ZNF433: variants seen among roughly 807,000 people sequenced by gnomAD.
ZNF433 encodes zinc finger protein 433.
In ZNF433, 12 loss-of-function variants were observed where a neutral mutation model predicts 10.6. The observed-to-expected ratio is 1.13, with a 90% CI of 0.72 to 1.83. The LOEUF (loss-of-function observed/expected upper bound fraction) is 1.83, where lower values mean the gene tolerates loss of function less well. Among genes scored for constraint, ZNF433 ranks in the 40% most tolerant of loss-of-function variants. The pLI is 0.00. For missense variants in ZNF433, 737 were observed against 798.0 expected, an observed-to-expected ratio of 0.92 and a Z score of 0.92; for synonymous variants, 272 against 271.3, an observed-to-expected ratio of 1.00 and a Z score of -0.02.
intron 1 of ZNF433, chr19:12,034,955 GGCCTC>G (rs1724540411): frequency 2.2e-6 from 1 of 452,162 alleles, no homozygotes; most frequent in Admixed American, 2.4e-5. Flanking sequence ...CCTCAGCTGA[GGCCTC>G]TCCTATTCGG....
chr19:12,032,912 AAG>A (rs1358868356), intron 1 of ZNF433, among the ~76,000 whole-genome samples: 1 of 152,194 alleles, frequency 6.6e-6, no homozygotes, highest in Non-Finnish European at 1.5e-5. Context: ...TATTTACAAA[AAG>A]ACAAACCCAC....
chr19:12,034,565 C>T (rs538231989), intron 1 of ZNF433: 1 of 276,012 alleles, frequency 3.6e-6, no homozygotes, highest in South Asian at 3.7e-5. Flanking sequence ...AAATTACAAA[C>T]AAGACCTAAG....
In ZNF433 at chr19:12,016,589, A is replaced by G. The variant is rs1172248539; in HGVS notation, c.269T>C (p.Met90Thr). ...TACTCCAGTAGTTGTTTTCTTCAGCATGTCATCTGGAACCTGGGTCAAAAT... is the reference window on the plus strand; with the variant it reads ...TACTCCAGTAGTTGTTTTCTTCAGCGTGTCATCTGGAACCTGGGTCAAAAT... The part of the protein sequence containing the change: ...GEILTQVPDD[M>T]LKKTTTGVKS... Residue 90 changes from methionine (M) to threonine (T), a missense_variant, in exon 4 of 4, where the codon ATG (methionine) becomes ACG (threonine). By Grantham distance (81) the Met-to-Thr change is moderately conservative (BLOSUM62 -1). Transcript: ENST00000550507. 6.2e-7 allele frequency: 1 copy of G among 1,614,148 alleles called. No individual in the cohort carries two copies. The highest frequency in any genetic ancestry group is 1.7e-5 in the Admixed American group (1 of 60,018).
chr19:12,035,428 T>C, intron 1 of ZNF433, 109 bp downstream of exon 1: 1 of 1,470,234 alleles, frequency 6.8e-7, no homozygotes, highest in Non-Finnish European at 9.2e-7. Flanking sequence ...GGAAATCGGG[T>C]CCCAGACCCC....
chr19:12,033,747 G>A (rs926355315), intron 1 of ZNF433, among the ~76,000 whole-genome samples: 22 of 151,760 alleles, frequency 1.4e-4, no homozygotes, highest in Non-Finnish European at 2.5e-4. Context: ...GCGTGAACCC[G>A]GGAGGCGGAG....
At position 12,033,826 on chromosome 19, in the gene ZNF433, AAAAAAC is replaced by A. The variant is rs535943813; in HGVS notation, c.3+1705_3+1710del. Among the ~76,000 whole-genome samples the A allele has an allele frequency of 2.4e-3, 366 of 152,292 alleles. 1 individual carries two copies. Among genetic ancestry groups the A allele is most frequent in the African/African-American group, 8.2e-3 (341 of 41,568 alleles). ...GACAGAACAAGACTCTGTCTCCAAAAAAAAACAAAAACAAAAACAAATAGTTGATAC... is the reference window on the plus strand; with the variant it reads ...GACAGAACAAGACTCTGTCTCCAAAAAAAAACAAAAACAAATAGTTGATAC... On this transcript the variant is annotated intron_variant, in intron 1 of 3. Transcript: ENST00000550507.
In ZNF433 at chr19:12,035,570, G is replaced by A; in HGVS notation, c.-31C>T. ...GCCTTTCAGGTGACTCCCACGACCA[G>A]TGCGGGTCACAGCACAGGCGACAGA... On this transcript the variant is annotated 5_prime_UTR_variant, in exon 1 of 4. Transcript: ENST00000550507. The A allele has an allele frequency of 1.3e-6, 2 of 1,564,882 alleles. No homozygotes were observed. Among genetic ancestry groups the A allele is most frequent in the Non-Finnish European group, 1.7e-6 (2 of 1,155,010 alleles).
At chr19:12,020,013 T>C (rs1156347405) in intron 1 of ZNF433, among the ~76,000 whole-genome samples, 6 of 152,250 alleles carry the variant, frequency 3.9e-5, no homozygotes, top group Non-Finnish European at 7.3e-5. Flanking sequence ...GGCTCACACC[T>C]GTAATCTTAG....
chr19:12,016,350 CACAA>C lies in ZNF433; in HGVS notation c.504_507del (p.Cys169ArgfsTer18), dbSNP rs778069284. ...GAAATAAATGTTTTTCCGCATTCCT[CACAA>C]ACATAGAGTTTCCTTCCACTATGAG... On this transcript the variant is annotated frameshift_variant, in exon 4 of 4. Transcript: ENST00000550507. LOFTEE classifies it low-confidence loss of function (END_TRUNC). 29 of 1,614,082 alleles carry C rather than the reference CACAA, an allele frequency of 1.8e-5. No individual in the cohort carries two copies. The highest frequency in any genetic ancestry group is 2.3e-5 in the Non-Finnish European group (27 of 1,180,036).
At position 12,015,378 on chromosome 19, in the gene ZNF433, C is replaced by CA. The variant is rs767102301; in HGVS notation, c.1479dup (p.Glu494Ter). The CA allele has an allele frequency of 6.2e-7, 1 of 1,614,170 alleles. No individual in the cohort carries two copies. The highest frequency in any genetic ancestry group is 1.1e-5 in the South Asian group (1 of 91,088). Reference sequence around the variant, plus strand: ...GTTTTTCCTCCAGTGTGAGTCCTTTCATGTCTATGAAATAAACTGGGCAAA... The same window carrying CA: ...GTTTTTCCTCCAGTGTGAGTCCTTTCAATGTCTATGAAATAAACTGGGCAAA... On this transcript the variant is annotated frameshift_variant, in exon 4 of 4. Transcript: ENST00000550507. LOFTEE classifies it low-confidence loss of function (END_TRUNC).
At chr19:12,024,264 T>C (rs1974632746) in intron 1 of ZNF433, 1 of 152,210 alleles carries the variant, frequency 6.6e-6, no homozygotes. Flanking sequence ...GACTGCCTTC[T>C]CCTGTGGATT....
chr19:12,033,152 G>A (rs1165978812), intron 1 of ZNF433, among the ~76,000 whole-genome samples: 1 of 151,916 alleles, frequency 6.6e-6, no homozygotes, highest in Non-Finnish European at 1.5e-5. Context: ...GGAGTGCAGT[G>A]GTGCGATGTC....
intron 1 of ZNF433, chr19:12,022,259 G>T: frequency 3.4e-6 from 1 of 297,874 alleles, no homozygotes; most frequent in South Asian, 2.8e-5. Context: ...TAACTAGCCA[G>T]AGCCCATCCC....
chr19:12,022,517 T>G (rs1303291337), intron 1 of ZNF433, among the ~76,000 whole-genome samples: 1 of 152,056 alleles, frequency 6.6e-6, no homozygotes, highest in Non-Finnish European at 1.5e-5. Context: ...TGGCAAGTGG[T>G]GTACATGTGT....
chr19:12,019,655 A>G (rs1006046803), intron 1 of ZNF433, among the ~76,000 whole-genome samples: 1 of 152,226 alleles, frequency 6.6e-6, no homozygotes, highest in African/African-American at 2.4e-5. Flanking sequence ...CACAAAATCA[A>G]AGAGCCAGAT....
chr19:12,030,316 G>GGA, intron 1 of ZNF433: 1 of 269,828 alleles, frequency 3.7e-6, no homozygotes, highest in Non-Finnish European at 7.3e-6. Flanking sequence ...TGCCTCCCAG[G>GGA]TTGAAGTGAT....
rs1174164238 is a variant in ZNF433 at position 12,035,637 on chromosome 19, C to A, written c.-98G>T. 1.3e-6 allele frequency: 2 copies of A among 1,502,634 alleles called. No individual in the cohort carries two copies. Among genetic ancestry groups the A allele is most frequent in the African/African-American group, 1.4e-5 (1 of 70,794 alleles). 93.1% of individuals were successfully genotyped at this position (1,502,634 alleles called of 1,614,324 possible). On this transcript the variant is annotated 5_prime_UTR_variant, in exon 1 of 4. Transcript: ENST00000550507. ...CCTGAACCCTCTCGGAGGGGAAAGC[C>A]AGGCTCCCAACCTCAGCTCGCCGCC...
rs2145391005 is a variant in ZNF433, at chr19:12,014,821, A to G, written c.*24T>C. On this transcript the variant is annotated 3_prime_UTR_variant, in exon 4 of 4. Transcript: ENST00000550507. ...ACTCCTGGGCTTAAGCAGTCCCCCC[A>G]CCTCAGCCTCCTAAAGCCTGGGGTT... 1 of 1,504,592 alleles carries G rather than the reference A, an allele frequency of 6.6e-7. No individual in the cohort carries two copies. The highest frequency in any genetic ancestry group is 8.9e-7 in the Non-Finnish European group (1 of 1,124,758). 93.2% of individuals were successfully genotyped at this position (1,504,592 alleles called of 1,614,324 possible).
chr19:12,019,061 A>AAT (rs1447562382), intron 1 of ZNF433, among the ~76,000 whole-genome samples: 2 of 150,396 alleles, frequency 1.3e-5, no homozygotes, highest in African/African-American at 4.9e-5. Context: ...ATAAAAAAAA[A>AAT]AAAAAAAAAA....
Sources: gnomAD v4.1 joint callset for allele counts (sites outside exome capture counted in the v4.1 genomes callset) on GRCh38, gnomAD v4.1.1 for gene constraint, MANE v1.5 for transcripts, NCBI Gene and HGNC (gene_info 2026-07-23, HGNC 2026-07-21) for gene names.